RCAN2: variants seen among roughly 807,000 people sequenced by gnomAD.
The protein encoded by RCAN2 is regulator of calcineurin 2, also known as calcipressin-2.
A neutral mutation model predicts 23.6 loss-of-function variants in RCAN2; 9 were observed. The ratio of observed to expected loss-of-function variants is 0.38; its 90% CI spans 0.23 to 0.67. The LOEUF is 0.67. Ranked by LOEUF, RCAN2 falls within the 30% of genes least tolerant of loss-of-function variation. The pLI, the probability that RCAN2 is intolerant of heterozygous loss-of-function variation, is 0.51. For missense variants in RCAN2, 273 were observed against 302.3 expected, an observed-to-expected ratio of 0.90 and a Z score of 0.72; for synonymous variants, 109 against 115.7, an observed-to-expected ratio of 0.94 and a Z score of 0.37.
intron 2 of RCAN2, among the ~76,000 whole-genome samples, chr6:46,363,258 G>A (rs1765068815): frequency 6.6e-6 from 1 of 152,088 alleles, no homozygotes; most frequent in Non-Finnish European, 1.5e-5. Flanking sequence ...CTTGTCTTGT[G>A]TGTATCATGA....
intron 2 of RCAN2, among the ~76,000 whole-genome samples, chr6:46,320,574 G>T (rs769552161): frequency 6.6e-6 from 1 of 152,222 alleles, no homozygotes; most frequent in East Asian, 1.9e-4. Context: ...GCACAGAGCA[G>T]TAGGGGATTT....
intron 2 of RCAN2, among the ~76,000 whole-genome samples, chr6:46,269,069 C>T (rs1767438091): frequency 6.6e-6 from 1 of 152,198 alleles, no homozygotes; most frequent in South Asian, 2.1e-4. Context: ...ATAGAGCATT[C>T]AGTGGGCTCT....
At chr6:46,332,459 C>CT (rs1764005778) in intron 2 of RCAN2, among the ~76,000 whole-genome samples, 1 of 118,626 alleles carries the variant, frequency 8.4e-6, no homozygotes. Flanking sequence ...TCCCTCCCCC[C>CT]TCCCCCCACC....
intron 2 of RCAN2, among the ~76,000 whole-genome samples, chr6:46,342,725 T>C (rs1764366446): frequency 6.6e-6 from 1 of 151,422 alleles, no homozygotes; most frequent in Non-Finnish European, 1.5e-5. Context: ...TCATCCTTGG[T>C]GTAGTTGTGG....
At chr6:46,439,601 AG>A (rs1044910992) in intron 2 of RCAN2, among the ~76,000 whole-genome samples, 5 of 152,298 alleles carry the variant, frequency 3.3e-5, no homozygotes, top group East Asian at 1.9e-4. Context: ...TCACTTTGAA[AG>A]GGACCACACT....
chr6:46,396,956 CA>C (rs1582168681), intron 2 of RCAN2, among the ~76,000 whole-genome samples: 1 of 151,808 alleles, frequency 6.6e-6, no homozygotes. Flanking sequence ...ACTAAAAATA[CA>C]AAAATTAGCT....
chr6:46,378,938 T>G (rs1765550626), intron 2 of RCAN2, among the ~76,000 whole-genome samples: 1 of 152,216 alleles, frequency 6.6e-6, no homozygotes, highest in Admixed American at 6.5e-5. Context: ...TAGAGGGTTC[T>G]GAACCTAACA....
At chr6:46,235,660 CT>C (rs1320869892) in intron 4 of RCAN2, among the ~76,000 whole-genome samples, 2 of 152,184 alleles carry the variant, frequency 1.3e-5, no homozygotes, top group Non-Finnish European at 2.9e-5. Flanking sequence ...GGTGCAAATC[CT>C]TAGAGTCAGT....
chr6:46,337,028 CTG>C (rs1764166439), intron 2 of RCAN2, among the ~76,000 whole-genome samples: 1 of 149,894 alleles, frequency 6.7e-6, no homozygotes, highest in Non-Finnish European at 1.5e-5. Context: ...ATCATGGTAA[CTG>C]TAACTGAAAT....
Position 46,222,782 on chromosome 6 carries a change from A to G in RCAN2, c.*359T>C. 1 of 202,474 alleles carries G rather than the reference A, an allele frequency of 4.9e-6. No individual in the cohort carries two copies. Among genetic ancestry groups the G allele is most frequent in the Non-Finnish European group, 9.9e-6 (1 of 100,662 alleles). 12.5% of individuals were successfully genotyped at this position (202,474 alleles called of 1,614,324 possible). ...TTAAGTGGCCAGGAGAGAACAACGC[A>G]CACACATCAGGACTGGGACTGAAAC... On this transcript the variant is annotated 3_prime_UTR_variant, in exon 5 of 5. Transcript: ENST00000371374.
intron 2 of RCAN2, among the ~76,000 whole-genome samples, chr6:46,313,855 G>A (rs1318868833): frequency 6.6e-6 from 1 of 152,194 alleles, no homozygotes; most frequent in Non-Finnish European, 1.5e-5. Context: ...TTAGTAATAT[G>A]TAAGAATTAT....
intron 2 of RCAN2, among the ~76,000 whole-genome samples, chr6:46,375,582 C>T (rs1485451180): frequency 1.3e-5 from 2 of 152,220 alleles, no homozygotes; most frequent in African/African-American, 4.8e-5. Flanking sequence ...ATACTAACTG[C>T]ATCAGCCAAT....
At chr6:46,257,845 G>A in intron 2 of RCAN2, among the ~76,000 whole-genome samples, 1 of 152,202 alleles carries the variant, frequency 6.6e-6, no homozygotes, top group East Asian at 1.9e-4. Context: ...GTGAGTTCAA[G>A]TTATTTATAC....
At chr6:46,317,754 C>T (rs1012331965) in intron 2 of RCAN2, among the ~76,000 whole-genome samples, 4 of 152,162 alleles carry the variant, frequency 2.6e-5, no homozygotes, top group African/African-American at 7.2e-5. Context: ...CGTAAGGCAC[C>T]GCGCCCGGCC....
intron 2 of RCAN2, among the ~76,000 whole-genome samples, chr6:46,302,296 T>C (rs1263171120): frequency 6.6e-6 from 1 of 152,024 alleles, no homozygotes; most frequent in Non-Finnish European, 1.5e-5. Flanking sequence ...ACCTCAGAGT[T>C]CTGTTTTGGC....
chr6:46,400,589 G>A (rs1258041836), intron 2 of RCAN2, among the ~76,000 whole-genome samples: 1 of 152,188 alleles, frequency 6.6e-6, no homozygotes, highest in Non-Finnish European at 1.5e-5. Context: ...TCAGTACGCA[G>A]GCCACAATGT....
chr6:46,267,286 A>G (rs1180710051), intron 2 of RCAN2, among the ~76,000 whole-genome samples: 1 of 152,204 alleles, frequency 6.6e-6, no homozygotes, highest in Non-Finnish European at 1.5e-5. Flanking sequence ...ATATACATAA[A>G]CATAAGGACA....
At chr6:46,364,024 C>T (rs929050701) in intron 2 of RCAN2, among the ~76,000 whole-genome samples, 16 of 152,276 alleles carry the variant, frequency 1.1e-4, no homozygotes, top group South Asian at 1.0e-3. Flanking sequence ...AATCTTAAAT[C>T]GCTCAAAGAC....
Position 46,274,778 on chromosome 6 carries a change from T to C in RCAN2, c.226-25882A>G, listed in dbSNP as rs898127924. On this transcript the variant is annotated intron_variant, in intron 2 of 4. Transcript: ENST00000371374. ...ACAGCCCCAGTGGATTTCCCATAGT[T>C]CTAGAGTGTAATGGAAGAACCACCA... Among the ~76,000 whole-genome samples the C allele has an allele frequency of 2.0e-5, 3 of 152,132 alleles. No homozygotes were observed. The South Asian group carries it at 6.2e-4, about 32-fold the overall frequency.
Sources: allele counts gnomAD v4.1 joint callset (sites outside exome capture counted in the v4.1 genomes callset), GRCh38; gene constraint gnomAD v4.1.1; transcripts MANE v1.5; gene names NCBI Gene and HGNC (gene_info 2026-07-23, HGNC 2026-07-21).